The following DDR2 variants were observed in gnomAD, a reference collection of about 807,000 sequenced individuals.
DDR2 encodes discoidin domain-containing receptor 2.
Under a neutral mutation model 94.9 loss-of-function variants are expected in DDR2, and 27 were observed. The ratio of observed to expected loss-of-function variants is 0.28; its 90% CI spans 0.21 to 0.39. The LOEUF is 0.39. DDR2 is among the 10% of genes least tolerant of loss of function. DDR2 has a pLI of 1.00. For missense variants in DDR2, 783 were observed against 1,076.0 expected (o/e 0.73, Z 3.81); for synonymous variants, 382 against 377.2 (o/e 1.01, Z -0.15).
rs1222462112 is a variant in DDR2 at position 162,719,193 on chromosome 1, T to C, written c.82+48T>C. The C allele has an allele frequency of 1.9e-6, 3 of 1,612,958 alleles. No homozygotes were observed. In the African/African-American group the frequency reaches 4.0e-5, roughly 22 times the overall value. ...ATATGCTAGAAGACCAGCAGAATGTTTAAACCCATCAATGTTCAATGGTGG... is the reference window on the plus strand; with the variant it reads ...ATATGCTAGAAGACCAGCAGAATGTCTAAACCCATCAATGTTCAATGGTGG... On this transcript the variant is annotated intron_variant, in intron 3 of 17. Transcript: ENST00000367921.
At chr1:162,739,768 A>G (rs2805031) in intron 3 of DDR2, among the ~76,000 whole-genome samples, 5 of 152,232 alleles carry the variant, frequency 3.3e-5, no homozygotes, top group Non-Finnish European at 4.4e-5. Flanking sequence ...AAATTATTGC[A>G]CTATTCCTGG....
Position 162,689,841 on chromosome 1 carries a change from T to TG in DDR2, c.-27-29196_-27-29195insG, listed in dbSNP as rs1558028580. Among the ~76,000 whole-genome samples the TG allele has an allele frequency of 8.0e-3, 117 of 14,702 alleles. 7 individuals carry two copies. The highest frequency in any genetic ancestry group is 0.017 in the African/African-American group (107 of 6,480). The allele number at this position is 14,702 out of a possible 152,430, so 9.6% of individuals were successfully genotyped here. A position where few individuals can be genotyped will look rare whatever the true frequency, so the allele number is the denominator to read the frequency against. ...CAACATGGTGAAACCCCATCTCTAC[T>TG]TAAAAAAAAAAAAAAAAAAAAAAAA... On this transcript the variant is annotated intron_variant, in intron 2 of 17. Transcript: ENST00000367921.
chr1:162,784,310 G>T lies in DDR2; in HGVS notation c.*4064G>T, dbSNP rs2491091. ...TTTGCCCAAAACTACAAAAATAAAA[G>T]AAAAAAAGAAAATTGCAATACATGG... On this transcript the variant is annotated 3_prime_UTR_variant, in exon 18 of 18. Transcript: ENST00000367921. The T allele has an allele frequency of 1.9e-5, 3 of 154,160 alleles. No individual in the cohort carries two copies. The highest frequency in any genetic ancestry group is 4.8e-5 in the African/African-American group (2 of 41,460). The allele number at this position is 154,160 out of a possible 1,614,324, so 9.5% of individuals were successfully genotyped here.
At chr1:162,635,654 AGCATCCCCAG>A (rs1490632407) in intron 1 of DDR2, among the ~76,000 whole-genome samples, 3 of 152,228 alleles carry the variant, frequency 2.0e-5, no homozygotes, top group Non-Finnish European at 2.9e-5. Context: ...AAATGTGTCC[AGCATCCCCAG>A]GCATCCCAGG....
chr1:162,710,183 C>T (rs190433830), intron 2 of DDR2, among the ~76,000 whole-genome samples: 38 of 152,296 alleles, frequency 2.5e-4, no homozygotes, highest in African/African-American at 8.9e-4. Context: ...CTCCTACAAA[C>T]TCTAGCATCT....
intron 2 of DDR2, among the ~76,000 whole-genome samples, chr1:162,718,645 A>T (rs1661277868): frequency 6.6e-6 from 1 of 152,196 alleles, no homozygotes; most frequent in African/African-American, 2.4e-5. Context: ...GCAAACATTA[A>T]AAGTAAATGC....
intron 1 of DDR2, among the ~76,000 whole-genome samples, chr1:162,649,462 TG>T (rs1199093064): frequency 3.9e-5 from 6 of 152,206 alleles, no homozygotes; most frequent in Admixed American, 3.9e-4. Context: ...CTGGTGATCT[TG>T]GGTAAGTCAT....
intron 2 of DDR2, among the ~76,000 whole-genome samples, chr1:162,664,439 TAC>T (rs1026836893): frequency 3.3e-5 from 5 of 152,160 alleles, no homozygotes; most frequent in African/African-American, 1.2e-4. Flanking sequence ...ACAAAGATTA[TAC>T]ACAAATTTAT....
intron 3 of DDR2, among the ~76,000 whole-genome samples, chr1:162,733,812 C>A (rs1027415687): frequency 6.6e-6 from 1 of 152,166 alleles, no homozygotes; most frequent in Non-Finnish European, 1.5e-5. Context: ...GGTAACCAAG[C>A]ACAAGAGTAA....
At chr1:162,725,606 T>G (rs1207113373) in intron 3 of DDR2, among the ~76,000 whole-genome samples, 1 of 152,094 alleles carries the variant, frequency 6.6e-6, no homozygotes, top group African/African-American at 2.4e-5. Flanking sequence ...CTTGAACTCC[T>G]GACCTCGCCC....
At chr1:162,696,976 C>G (rs931539654) in intron 2 of DDR2, among the ~76,000 whole-genome samples, 1 of 152,194 alleles carries the variant, frequency 6.6e-6, no homozygotes, top group South Asian at 2.1e-4. Flanking sequence ...ACAAGAGATT[C>G]AACCAGAACC....
At chr1:162,732,197 G>T (rs533258168) in intron 3 of DDR2, among the ~76,000 whole-genome samples, 51 of 152,252 alleles carry the variant, frequency 3.3e-4, no homozygotes, top group Non-Finnish European at 6.3e-4. Context: ...AAGAGGTCTG[G>T]GTGACCATTA....
chr1:162,747,873 AC>A (rs1306701182), intron 3 of DDR2, among the ~76,000 whole-genome samples: 1 of 152,230 alleles, frequency 6.6e-6, no homozygotes, highest in Non-Finnish European at 1.5e-5. Context: ...AGAATTTTTA[AC>A]CCAGAATTTC....
At chr1:162,728,065 A>ACTATATATAT (rs1404850980) in intron 3 of DDR2, among the ~76,000 whole-genome samples, 83 of 133,124 alleles carry the variant, frequency 6.2e-4, no homozygotes, top group African/African-American at 1.5e-3. Context: ...ATATAATCAC[A>ACTATATATAT]CTATATATAT....
chr1:162,776,476 T>A (rs1295511178), intron 16 of DDR2, 106 bp downstream of exon 16: 4 of 949,092 alleles, frequency 4.2e-6, no homozygotes, highest in Non-Finnish European at 6.6e-6. Context: ...CTCAATAGAC[T>A]GTAGTATTTT....
intron 2 of DDR2, among the ~76,000 whole-genome samples, chr1:162,710,764 G>GCACACACACACACA (rs113812328): frequency 1.3e-4 from 19 of 148,144 alleles, no homozygotes; most frequent in African/African-American, 4.2e-4. Context: ...ACACAGTCAT[G>GCACACACACACACA]CACACACACA....
chr1:162,743,365 C>A (rs569306934), intron 3 of DDR2, among the ~76,000 whole-genome samples: 102 of 152,210 alleles, frequency 6.7e-4, no homozygotes, highest in Non-Finnish European at 1.3e-3. Context: ...TCACGTGAAA[C>A]CTTTTTCCCT....
In DDR2 at chr1:162,749,279, G is replaced by A. The variant is rs529284567; in HGVS notation, c.83-3816G>A. On this transcript the variant is annotated intron_variant, in intron 3 of 17. Coordinates refer to ENST00000367921, the MANE Select transcript of DDR2 (RefSeq NM_006182.4). ...GCTAGCAAGACTAACAAAGAAGAAAGGAGAGAAGAATCAAATAGATACAAT... is the reference window on the plus strand; with the variant it reads ...GCTAGCAAGACTAACAAAGAAGAAAAGAGAGAAGAATCAAATAGATACAAT... Among the ~76,000 whole-genome samples, 87 of 152,054 alleles carry A rather than the reference G, an allele frequency of 5.7e-4. 1 individual carries two copies. The highest frequency in any genetic ancestry group is 1.9e-3 in the African/African-American group (80 of 41,504).
intron 2 of DDR2, among the ~76,000 whole-genome samples, chr1:162,671,725 C>T (rs1022051121): frequency 2.6e-5 from 4 of 152,148 alleles, no homozygotes; most frequent in African/African-American, 9.7e-5. Flanking sequence ...GACACCTCCT[C>T]GTGAAAGCCC....
Sources: allele counts gnomAD v4.1 joint callset (sites outside exome capture counted in the v4.1 genomes callset), GRCh38; gene constraint gnomAD v4.1.1; transcripts MANE v1.5; gene names NCBI Gene and HGNC (gene_info 2026-07-23, HGNC 2026-07-21).